Variants in ACSM5 observed in about 807,000 individuals in gnomAD.
ACSM5 encodes acyl-CoA synthetase medium chain family member 5.
In ACSM5, 56 loss-of-function variants were observed where a neutral mutation model predicts 71.6. That is an observed-to-expected ratio of 0.78 (90% CI 0.63 to 0.98). ACSM5 has a LOEUF of 0.98. Among genes scored for constraint, ACSM5 ranks in the 50% least tolerant of loss-of-function variants. ACSM5 has a pLI of 0.00. For synonymous variants in ACSM5, 285 were observed against 281.5 expected (o/e 1.01, Z -0.12); for missense variants, 723 against 726.0 (o/e 1.00, Z 0.05).
chr16:20,434,154 G>A (rs1349537092), intron 10 of ACSM5, among the ~76,000 whole-genome samples: 1 of 152,020 alleles, frequency 6.6e-6, no homozygotes, highest in African/African-American at 2.4e-5. Context: ...TAAATGTTAT[G>A]GATAGTGCTT....
rs1439038577 is a variant in ACSM5, at chr16:20,423,899, T to C, written c.768-17T>C. On this transcript the variant is annotated splice_polypyrimidine_tract_variant and intron_variant, in intron 5 of 13. Transcript: ENST00000331849. ...GAGTCATTGCCAAGGTTACTGACGT[T>C]CTCTAATTTTTGGCAGACGGTGGGT... is the stretch of plus-strand genomic sequence containing the variant. The C allele has an allele frequency of 6.2e-7, 1 of 1,613,708 alleles. No homozygotes were observed. Among genetic ancestry groups the C allele is most frequent in the Admixed American group, 1.7e-5 (1 of 59,952 alleles).
chr16:20,435,580 C>G (rs904946166), intron 10 of ACSM5, among the ~76,000 whole-genome samples: 4 of 152,160 alleles, frequency 2.6e-5, no homozygotes, highest in African/African-American at 9.7e-5. Context: ...CCACCACAGT[C>G]GAATAGGGAA....
rs1300024158 is a variant in ACSM5 at position 20,411,662 on chromosome 16, C to G, written c.178C>G (p.Leu60Val). 2 of 1,613,988 alleles carry G rather than the reference C, an allele frequency of 1.2e-6. No individual in the cohort carries two copies. Among genetic ancestry groups the G allele is most frequent in the Non-Finnish European group, 1.7e-6 (2 of 1,180,032 alleles). ...PEYFNFAHDV[L>V]DVWSRLEEAG... ...GTACTTCAACTTCGCCCATGATGTG[C>G]TGGATGTGTGGAGTCGGCTGGAAGA... The change falls in exon 2 of 14, where the codon CTG (leucine) becomes GTG (valine). Residue 60 changes from leucine (L) to valine (V), a missense_variant. Leu to Val is a conservative substitution (Grantham distance 32). Transcript: ENST00000331849.
At position 20,411,617 on chromosome 16, in the gene ACSM5, G is replaced by A. The variant is rs751231589; in HGVS notation, c.133G>A (p.Gly45Arg). The A allele has an allele frequency of 1.2e-6, 2 of 1,614,162 alleles. No individual in the cohort carries two copies. The highest frequency in any genetic ancestry group is 2.2e-5 in the South Asian group (2 of 91,078). ...GGCCACCTGGGAAGCCATCAGCCTG[G>A]GAAGGCAGCTGGTGCCTGAGTACTT... Reference protein sequence around the residue: ...IVATWEAISLGRQLVPEYFNF... With the variant: ...IVATWEAISLRRQLVPEYFNF... Residue 45 changes from glycine (G) to arginine (R), a missense_variant, in exon 2 of 14, where the codon GGA becomes AGA. Gly to Arg is a moderately radical substitution (Grantham distance 125, BLOSUM62 -2). Transcript: ENST00000331849.
intron 7 of ACSM5, among the ~76,000 whole-genome samples, chr16:20,429,311 C>G (rs1239381888): frequency 2.6e-5 from 4 of 152,092 alleles, no homozygotes; most frequent in Non-Finnish European, 1.5e-5. Context: ...TGGTGCCTGG[C>G]CTATCTTTTC....
At chr16:20,409,925 G>T (rs1966844394) in intron 1 of ACSM5, among the ~76,000 whole-genome samples, 2 of 124,240 alleles carry the variant, frequency 1.6e-5, no homozygotes, top group African/African-American at 3.5e-5. Context: ...GAGGTGAGGG[G>T]CGGGAGAGGT....
rs1309766820 is a variant in ACSM5, at chr16:20,440,455, C to A, written c.*28C>A. ...TGCACCCCAGGAAGGCCCCGTAGAC[C>A]TCCGAAGACTCCACAAGAAACTAAT... is the stretch of plus-strand genomic sequence containing the variant. On this transcript the variant is annotated 3_prime_UTR_variant, in exon 14 of 14. Transcript: ENST00000331849. 3 of 1,574,672 alleles carry A rather than the reference C, an allele frequency of 1.9e-6. No individual in the cohort carries two copies. In the Admixed American group the frequency reaches 5.0e-5, roughly 26 times the overall value.
chr16:20,420,273 C>T (rs1966872307), intron 4 of ACSM5, among the ~76,000 whole-genome samples: 1 of 152,178 alleles, frequency 6.6e-6, no homozygotes, highest in Non-Finnish European at 1.5e-5. Context: ...CCAGACACAG[C>T]TGAGCAAGAG....
intron 2 of ACSM5, among the ~76,000 whole-genome samples, chr16:20,415,261 T>C (rs1813561930): frequency 6.6e-6 from 1 of 152,188 alleles, no homozygotes; most frequent in African/African-American, 2.4e-5. Context: ...ATATTCACTG[T>C]CAGAAAAGTA....
intron 10 of ACSM5, among the ~76,000 whole-genome samples, chr16:20,435,999 CTCTT>C (rs1356353673): frequency 1.4e-5 from 2 of 138,332 alleles, no homozygotes; most frequent in African/African-American, 5.6e-5. Flanking sequence ...TCTTTTCTTT[CTCTT>C]TCTTTCTTTT....
intron 2 of ACSM5, among the ~76,000 whole-genome samples, chr16:20,415,298 G>C (rs983273151): frequency 1.6e-4 from 25 of 152,172 alleles, no homozygotes; most frequent in Admixed American, 2.6e-4. Flanking sequence ...CCAAGAGTGT[G>C]GTTGGACAAT....
chr16:20,423,454 T>C (rs1170435556), intron 5 of ACSM5, among the ~76,000 whole-genome samples: 1 of 152,250 alleles, frequency 6.6e-6, no homozygotes, highest in East Asian at 1.9e-4. Flanking sequence ...TGTCCATCAT[T>C]GCTCTGGGTT....
At position 20,437,317 on chromosome 16, in the gene ACSM5, G is replaced by C. The variant is rs771915168; in HGVS notation, c.1486G>C (p.Ala496Pro). ...GGAAAGTGCCCTGGCAGAGCATCCT[G>C]CTGTCCTGGAGTCGGCTGTGGTCAG... ...EVESALAEHPAVLESAVVSSP... is the reference protein window; with the variant it reads ...EVESALAEHPPVLESAVVSSP... Residue 496 changes from alanine (A) to proline (P), a missense_variant, in exon 12 of 14, where the codon GCT (alanine) becomes CCT (proline). Transcript: ENST00000331849. 2.6e-5 allele frequency: 42 copies of C among 1,613,990 alleles called. No homozygotes were observed. The East Asian group carries it at 9.1e-4, about 35-fold the overall frequency.
At chr16:20,420,312 C>A (rs1321527322) in intron 4 of ACSM5, among the ~76,000 whole-genome samples, 1 of 152,176 alleles carries the variant, frequency 6.6e-6, no homozygotes, top group African/African-American at 2.4e-5. Context: ...AAAAAATCAG[C>A]CCATAGGGCC....
chr16:20,424,158 T>C (rs1966932673), intron 6 of ACSM5, 89 bp downstream of exon 6: 2 of 1,495,738 alleles, frequency 1.3e-6, no homozygotes, highest in African/African-American at 1.4e-5. Context: ...AGAAAACACA[T>C]AAATCAGTGA....
intron 2 of ACSM5, among the ~76,000 whole-genome samples, chr16:20,417,572 T>A (rs1422094755): frequency 6.6e-6 from 1 of 152,218 alleles, no homozygotes; most frequent in Admixed American, 6.5e-5. Flanking sequence ...AAGGGACAGC[T>A]AATTTGCACA....
Position 20,430,877 on chromosome 16 carries a change from G to A in ACSM5, c.1126-116G>A, listed in dbSNP as rs375289261. 38 of 681,054 alleles carry A rather than the reference G, an allele frequency of 5.6e-5. No homozygotes were observed. In the East Asian group the frequency reaches 9.3e-4, roughly 17 times the overall value. The allele number at this position is 681,054 out of a possible 1,614,324, so 42.2% of individuals were successfully genotyped here. ...GAAGGGAAAGAAAGAAGAAAGTGAG[G>A]GAGGAGAAAAAAGAGGATGAGAGAA... On this transcript the variant is annotated intron_variant, in intron 8 of 13. Transcript: ENST00000331849.
intron 10 of ACSM5, among the ~76,000 whole-genome samples, chr16:20,433,453 A>G (rs1176798302): frequency 2.0e-5 from 3 of 152,220 alleles, no homozygotes; most frequent in Non-Finnish European, 2.9e-5. Context: ...AATATTTGTT[A>G]TAGTGCTGGC....
At chr16:20,427,716 G>A in intron 6 of ACSM5, 72 bp from the exon 7 acceptor site, 1 of 987,724 alleles carries the variant, frequency 1.0e-6, no homozygotes, top group South Asian at 1.3e-5. Flanking sequence ...CTATAAAGAT[G>A]CATTTGGCTC....
Sources: gnomAD v4.1 joint callset for allele counts (sites outside exome capture counted in the v4.1 genomes callset) on GRCh38, gnomAD v4.1.1 for gene constraint, MANE v1.5 for transcripts, NCBI Gene and HGNC (gene_info 2026-07-23, HGNC 2026-07-21) for gene names.